UGDH: variants seen among roughly 807,000 people sequenced by gnomAD.
UGDH encodes UDP-glucose 6-dehydrogenase.
A neutral mutation model predicts 50.6 loss-of-function variants in UGDH; 38 were observed. The ratio of observed to expected loss-of-function variants is 0.75; its 90% CI spans 0.58 to 0.98. UGDH has a LOEUF of 0.98. Ranked by LOEUF, UGDH falls within the 50% of genes least tolerant of loss-of-function variation. The probability of loss-of-function intolerance (pLI) is 0.00; values close to 1 mark genes in which losing one functional copy is unlikely to be tolerated. For missense variants in UGDH, 465 were observed against 606.2 expected, an observed-to-expected ratio of 0.77 and a Z score of 2.45; for synonymous variants, 168 against 199.9, an observed-to-expected ratio of 0.84 and a Z score of 1.35.
chr4:39,504,031 G>A lies in UGDH; in HGVS notation c.1264-46C>T, dbSNP rs542618413. On this transcript the variant is annotated intron_variant, in intron 10 of 11. Coordinates refer to ENST00000316423, the MANE Select transcript of UGDH (RefSeq NM_003359.4). ...AACAATTAAAACACATACGTGGGCC[G>A]GGCGGAGTGGCTCATGCCTGTAATC... 130 of 1,527,022 alleles carry A rather than the reference G, an allele frequency of 8.5e-5. 1 individual carries two copies. Among genetic ancestry groups the A allele is most frequent in the Admixed American group, 1.2e-4 (7 of 56,348 alleles). The allele number at this position is 1,527,022 out of a possible 1,614,324, so 94.6% of individuals were successfully genotyped here.
At chr4:39,504,577 C>T (rs1745957399) in intron 9 of UGDH, 69 bp from the exon 10 acceptor site, 5 of 1,352,656 alleles carry the variant, frequency 3.7e-6, no homozygotes, top group South Asian at 1.2e-5. Context: ...GTAGTTCCCC[C>T]CTTATCTGCA....
At position 39,510,488 on chromosome 4, in the gene UGDH, G is replaced by C. The variant is rs1305524531; in HGVS notation, c.528C>G (p.Asp176Glu). Residue 176 changes from aspartate (D) to glutamate (E), a missense_variant, in exon 5 of 12, where the codon GAC (aspartate) becomes GAG (glutamate). Transcript: ENST00000316423. ...TTTCATCCCCTCCAATCAGTACTCT[G>C]TCTGGGTTCTTTAGGTCCTTGATGG... ...GTAIKDLKNP[D>E]RVLIGGDETP... 6.2e-7 allele frequency: 1 copy of C among 1,614,148 alleles called. No individual in the cohort carries two copies. The highest frequency in any genetic ancestry group is 2.2e-5 in the East Asian group (1 of 44,888).
chr4:39,520,503 A>G (rs1354802121), intron 2 of UGDH, among the ~76,000 whole-genome samples: 3 of 152,060 alleles, frequency 2.0e-5, no homozygotes, highest in Non-Finnish European at 2.9e-5. Context: ...AAAAAAGGAA[A>G]CCAGATAGCT....
intron 7 of UGDH, among the ~76,000 whole-genome samples, chr4:39,508,312 G>A (rs187087508): frequency 3.9e-5 from 6 of 152,168 alleles, no homozygotes; most frequent in Admixed American, 3.3e-4. Flanking sequence ...TCAGTCACTG[G>A]AGCCTCCAAC....
chr4:39,514,359 T>C (rs1746364655), intron 2 of UGDH, among the ~76,000 whole-genome samples, 175 bp from the exon 3 acceptor site: 1 of 152,140 alleles, frequency 6.6e-6, no homozygotes, highest in African/African-American at 2.4e-5. Context: ...AGGCCATAAG[T>C]GCACATCTCA....
chr4:39,504,858 C>A (rs1392765851), intron 9 of UGDH, among the ~76,000 whole-genome samples: 1 of 152,178 alleles, frequency 6.6e-6, no homozygotes, highest in East Asian at 1.9e-4. Flanking sequence ...ATAACTGAAC[C>A]CGTGGAAAGC....
At chr4:39,510,111 GA>G (rs1746183557) in intron 5 of UGDH, among the ~76,000 whole-genome samples, 1 of 152,212 alleles carries the variant, frequency 6.6e-6, no homozygotes, top group South Asian at 2.1e-4. Context: ...AAAGGGTAAA[GA>G]GGGAAAGAGT....
intron 9 of UGDH, 53 bp from the exon 10 acceptor site, chr4:39,504,561 A>G: frequency 1.4e-6 from 2 of 1,471,608 alleles, no homozygotes; most frequent in Non-Finnish European, 1.9e-6. Flanking sequence ...GTTATATGAC[A>G]TTACAGTAGT....
intron 2 of UGDH, among the ~76,000 whole-genome samples, chr4:39,517,040 T>A (rs1287898656): frequency 6.6e-6 from 1 of 152,154 alleles, no homozygotes; most frequent in Non-Finnish European, 1.5e-5. Context: ...GTTATTAGGT[T>A]CATTATGTAA....
chr4:39,521,073 A>T (rs971943712), intron 2 of UGDH, among the ~76,000 whole-genome samples: 9 of 149,796 alleles, frequency 6.0e-5, no homozygotes, highest in Non-Finnish European at 1.3e-4. Context: ...CCGTCTCAAA[A>T]AAAAAAAAAA....
rs1165107562 is a variant in UGDH, at chr4:39,500,001, G to A, written c.*142C>T. 7.2e-5 allele frequency: 38 copies of A among 527,524 alleles called. No homozygotes were observed. The highest frequency in any genetic ancestry group is 6.7e-6 in the Non-Finnish European group (2 of 298,240). The allele number at this position is 527,524 out of a possible 1,614,324, so 32.7% of individuals were successfully genotyped here. On this transcript the variant is annotated 3_prime_UTR_variant, in exon 12 of 12. Transcript: ENST00000316423. ...GCCGAGATTGCACCACTGCACTCCA[G>A]CCTGGGCAACAGTGAGACTCTGTCT... is the stretch of plus-strand genomic sequence containing the variant.
At chr4:39,521,611 C>T (rs1365220929) in intron 1 of UGDH, 92 bp from the exon 2 acceptor site, 1 of 1,064,592 alleles carries the variant, frequency 9.4e-7, no homozygotes, top group African/African-American at 1.7e-5. Context: ...TAAAAACTGT[C>T]AAGGTGACAG....
chr4:39,509,744 A>G lies in UGDH; in HGVS notation c.811+16T>C. On this transcript the variant is annotated intron_variant, in intron 6 of 11. Coordinates refer to ENST00000316423, the MANE Select transcript of UGDH (RefSeq NM_003359.4). ...TAAACACTAGCTCTTTCTACTAGAG[A>G]AAAATTTGAATTTACCAACACTGGC... 6.3e-7 allele frequency: 1 copy of G among 1,597,432 alleles called. No individual in the cohort carries two copies. The highest frequency in any genetic ancestry group is 8.5e-7 in the Non-Finnish European group (1 of 1,175,850).
Position 39,498,800 on chromosome 4 carries a change from G to C in UGDH, c.*1343C>G, listed in dbSNP as rs892457784. ...TTTATTTATGTAATTTTCATCTGTA[G>C]AGATGCTTCTGTCCTCATCTTTATA... On this transcript the variant is annotated 3_prime_UTR_variant, in exon 12 of 12. Coordinates refer to ENST00000316423, the MANE Select transcript of UGDH (RefSeq NM_003359.4). 1 of 152,120 alleles carries C rather than the reference G, an allele frequency of 6.6e-6. No homozygotes were observed. The highest frequency in any genetic ancestry group is 2.4e-5 in the African/African-American group (1 of 41,408). The allele number at this position is 152,120 out of a possible 1,614,324, so 9.4% of individuals were successfully genotyped here.
In UGDH at chr4:39,518,272, CTTCT is replaced by C. The variant is rs1578278228; in HGVS notation, c.162+3075_162+3078del. Among the ~76,000 whole-genome samples the C allele has an allele frequency of 3.3e-5, 5 of 152,194 alleles. No homozygotes were observed. In the East Asian group the frequency reaches 5.8e-4, roughly 18 times the overall value. ...TTGCTGATTAATATTTAGGTTGTTC[CTTCT>C]GTCTTTTAGTGCACATATGTATGCA... On this transcript the variant is annotated intron_variant, in intron 2 of 11. Transcript: ENST00000316423.
At chr4:39,500,376 T>A (rs1745751448) in intron 11 of UGDH, 123 bp from the exon 12 acceptor site, 1 of 588,408 alleles carries the variant, frequency 1.7e-6, no homozygotes, top group African/African-American at 1.9e-5. Context: ...TCTCAAGTTG[T>A]CTGAGTTGCT....
chr4:39,510,273 G>T lies in UGDH; in HGVS notation c.663+80C>A, dbSNP rs535992228. The stretch of plus-strand genomic sequence containing the variant: ...ATAACCTCTTACTACTATTAAAAAA[G>T]TATCTGTGTAGTTTATCAGGCTTGA... On this transcript the variant is annotated intron_variant, in intron 5 of 11. Coordinates refer to ENST00000316423, the MANE Select transcript of UGDH (RefSeq NM_003359.4). The T allele has an allele frequency of 2.5e-5, 35 of 1,397,468 alleles. No homozygotes were observed. In the Middle Eastern group the frequency reaches 9.6e-4, roughly 38 times the overall value. The allele number at this position is 1,397,468 out of a possible 1,614,324, so 86.6% of individuals were successfully genotyped here. A position where few individuals can be genotyped will look rare whatever the true frequency, so the allele number is the denominator to read the frequency against.
chr4:39,501,615 C>T (rs1048945686), intron 11 of UGDH, among the ~76,000 whole-genome samples: 1 of 152,152 alleles, frequency 6.6e-6, no homozygotes, highest in African/African-American at 2.4e-5. Context: ...CTGAAAGGCC[C>T]CAGCTGGAAT....
chr4:39,507,857 G>T (rs936769818), intron 7 of UGDH, among the ~76,000 whole-genome samples: 1 of 150,376 alleles, frequency 6.6e-6, no homozygotes, highest in African/African-American at 2.4e-5. Context: ...GAAGTGGGAG[G>T]ATTGCTTGAG....
Sources: gnomAD v4.1 joint callset for allele counts (sites outside exome capture counted in the v4.1 genomes callset) on GRCh38, gnomAD v4.1.1 for gene constraint, MANE v1.5 for transcripts, NCBI Gene and HGNC (gene_info 2026-07-23, HGNC 2026-07-21) for gene names.